TOX3: variants seen among roughly 807,000 people sequenced by gnomAD.
TOX3 encodes the protein CAG trinucleotide repeat-containing gene F9 protein.
A neutral mutation model predicts 64.3 loss-of-function variants in TOX3; 22 were observed. The observed-to-expected ratio is 0.34, with a 90% confidence interval of 0.24 to 0.49. TOX3 has a LOEUF of 0.49. Ranked by LOEUF, TOX3 falls within the 20% of genes least tolerant of loss-of-function variation. The probability of loss-of-function intolerance (pLI) is 0.99; values close to 1 mark genes in which losing one functional copy is unlikely to be tolerated. For synonymous variants in TOX3, 291 were observed against 273.6 expected (o/e 1.06, Z -0.63); for missense variants, 661 against 714.4 (o/e 0.93, Z 0.85).
chr16:52,544,336 T>C (rs1194560828), intron 1 of TOX3, among the ~76,000 whole-genome samples: 1 of 152,220 alleles, frequency 6.6e-6, no homozygotes, highest in Non-Finnish European at 1.5e-5. Flanking sequence ...TCTACTATAT[T>C]CTCTGTAAAG....
chr16:52,439,210 C>G lies in TOX3; in HGVS notation c.*15G>C. The G allele has an allele frequency of 6.2e-7, 1 of 1,613,788 alleles. No homozygotes were observed. Among genetic ancestry groups the G allele is most frequent in the East Asian group, 2.2e-5 (1 of 44,852 alleles). ...CTCTCCTTGGTATACGCAAATCCGT[C>G]TGCCATATGCGTCTTCAGAAAATAC... On this transcript the variant is annotated 3_prime_UTR_variant, in exon 7 of 7. Transcript: ENST00000219746.
In TOX3 at chr16:52,484,200, C is replaced by G. The variant is rs576725140; in HGVS notation, c.88-15626G>C. On this transcript the variant is annotated intron_variant, in intron 1 of 6. Transcript: ENST00000219746. Reference sequence around the variant, plus strand: ...GGAAATTTCTTTAAACAAAGTCTTTCCAAGAGTTTTCATTCATCAAAGATA... The same window carrying G: ...GGAAATTTCTTTAAACAAAGTCTTTGCAAGAGTTTTCATTCATCAAAGATA... 7.9e-5 allele frequency among the ~76,000 whole-genome samples: 12 copies of G among 152,228 alleles called. No homozygotes were observed. In the East Asian group the frequency reaches 2.3e-3, roughly 29 times the overall value.
chr16:52,462,480 GTTTAA>G (rs1960720931), intron 3 of TOX3, among the ~76,000 whole-genome samples: 1 of 151,992 alleles, frequency 6.6e-6, no homozygotes, highest in African/African-American at 2.4e-5. Context: ...TTCATCAGAT[GTTTAA>G]TTTAAAGGCA....
chr16:52,517,962 T>C (rs1962501256), intron 1 of TOX3, among the ~76,000 whole-genome samples: 1 of 152,110 alleles, frequency 6.6e-6, no homozygotes, highest in Non-Finnish European at 1.5e-5. Context: ...TAGGGCAAAG[T>C]GAAAAACAGG....
At chr16:52,510,023 G>T (rs576957640) in intron 1 of TOX3, among the ~76,000 whole-genome samples, 42 of 152,056 alleles carry the variant, frequency 2.8e-4, no homozygotes, top group African/African-American at 7.7e-4. Context: ...TGAGGAGGGG[G>T]TTTCTAAGTA....
chr16:52,533,251 GT>G (rs1389794634), intron 1 of TOX3, among the ~76,000 whole-genome samples: 1 of 152,132 alleles, frequency 6.6e-6, no homozygotes, highest in Non-Finnish European at 1.5e-5. Flanking sequence ...TTGGGAATTT[GT>G]TAGCAATGCC....
At chr16:52,522,077 A>G (rs1282435894) in intron 1 of TOX3, among the ~76,000 whole-genome samples, 1 of 152,230 alleles carries the variant, frequency 6.6e-6, no homozygotes, top group Non-Finnish European at 1.5e-5. Flanking sequence ...TAATACAGAT[A>G]GAGTACTTAG....
At chr16:52,461,576 C>T (rs1960690532) in intron 3 of TOX3, among the ~76,000 whole-genome samples, 1 of 152,086 alleles carries the variant, frequency 6.6e-6, no homozygotes, top group Non-Finnish European at 1.5e-5. Context: ...TGAAGAAAAG[C>T]TGGTTCAATA....
At chr16:52,450,684 C>T (rs1397965918) in intron 3 of TOX3, 138 bp from the exon 4 acceptor site, 13 of 1,068,966 alleles carry the variant, frequency 1.2e-5, no homozygotes, top group African/African-American at 1.6e-5. Flanking sequence ...TGATGGTCTC[C>T]GTTCATTTAT....
chr16:52,522,063 T>G (rs1461256476), intron 1 of TOX3, among the ~76,000 whole-genome samples: 1 of 152,210 alleles, frequency 6.6e-6, no homozygotes, highest in African/African-American at 2.4e-5. Flanking sequence ...AGGATTAAAT[T>G]TATTAATACA....
At chr16:52,504,101 C>T (rs1014908969) in intron 1 of TOX3, among the ~76,000 whole-genome samples, 1 of 152,242 alleles carries the variant, frequency 6.6e-6, no homozygotes, top group Non-Finnish European at 1.5e-5. Flanking sequence ...CATATGCCAG[C>T]CGTTCCTAGT....
chr16:52,440,435 G>A (rs1028795795), intron 6 of TOX3, among the ~76,000 whole-genome samples: 7 of 152,212 alleles, frequency 4.6e-5, no homozygotes, highest in African/African-American at 1.7e-4. Context: ...GAACCAGTCA[G>A]CTAACTGGCA....
rs985335789 is a variant in TOX3, at chr16:52,516,985, A to C, written c.87+29652T>G. The stretch of plus-strand genomic sequence containing the variant: ...ATAATTCCTACAGAGACTTACCTAG[A>C]ACATCATGGACACTCAAATATTAAC... On this transcript the variant is annotated intron_variant, in intron 1 of 6. Transcript: ENST00000219746. Among the ~76,000 whole-genome samples, 10 of 152,354 alleles carry C rather than the reference A, an allele frequency of 6.6e-5. No individual in the cohort carries two copies. In the East Asian group the frequency reaches 1.9e-3, roughly 29 times the overall value.
intron 1 of TOX3, among the ~76,000 whole-genome samples, chr16:52,515,891 C>G (rs986200247): frequency 6.6e-6 from 1 of 152,144 alleles, no homozygotes; most frequent in African/African-American, 2.4e-5. Flanking sequence ...TATAATCAAT[C>G]TTCTGAAATG....
At chr16:52,472,689 A>G (rs1961083179) in intron 1 of TOX3, among the ~76,000 whole-genome samples, 1 of 152,314 alleles carries the variant, frequency 6.6e-6, no homozygotes, top group East Asian at 1.9e-4. Flanking sequence ...AATATCAGGT[A>G]AAGTAGTTAA....
chr16:52,530,413 T>A (rs1179738860), intron 1 of TOX3, among the ~76,000 whole-genome samples: 1 of 151,532 alleles, frequency 6.6e-6, no homozygotes, highest in Non-Finnish European at 1.5e-5. Flanking sequence ...CTCAACCCAC[T>A]GCAACCTCCG....
intron 3 of TOX3, among the ~76,000 whole-genome samples, chr16:52,453,224 C>T (rs934994306): frequency 2.7e-5 from 4 of 149,414 alleles, no homozygotes; most frequent in African/African-American, 9.9e-5. Flanking sequence ...CGCTCTGTTG[C>T]CCAGGCTGGA....
intron 1 of TOX3, among the ~76,000 whole-genome samples, chr16:52,508,935 T>C (rs1962230838): frequency 6.6e-6 from 1 of 152,210 alleles, no homozygotes; most frequent in Admixed American, 6.5e-5. Flanking sequence ...TCTAGCATAC[T>C]GCCAATCAAA....
Position 52,437,590 on chromosome 16 carries a change from T to C in TOX3, c.*1635A>G, listed in dbSNP as rs1484183737. 6.6e-6 allele frequency: 1 copy of C among 152,510 alleles called. No homozygotes were observed. Among genetic ancestry groups the C allele is most frequent in the Non-Finnish European group, 1.5e-5 (1 of 68,026 alleles). The allele number at this position is 152,510 out of a possible 1,614,324, so 9.4% of individuals were successfully genotyped here. ...AATCATGCAAGACAACTGGGGATAG[T>C]GGTCACACTGCTCTCAAAGAGGAAC... On this transcript the variant is annotated 3_prime_UTR_variant, in exon 7 of 7. Coordinates refer to ENST00000219746, the MANE Select transcript of TOX3 (RefSeq NM_001080430.4).
Sources: allele counts gnomAD v4.1 joint callset (sites outside exome capture counted in the v4.1 genomes callset), GRCh38; gene constraint gnomAD v4.1.1; transcripts MANE v1.5; gene names NCBI Gene and HGNC (gene_info 2026-07-23, HGNC 2026-07-21).